Variants in CAPN5 observed in about 807,000 individuals in gnomAD.
CAPN5 encodes calpain 5.
CAPN5 carries 54 observed loss-of-function variants against 73.0 expected under a neutral mutation model. The observed-to-expected ratio is 0.74, with a 90% CI of 0.59 to 0.93. The LOEUF is 0.93. Ranked by LOEUF, CAPN5 falls within the 40% of genes least tolerant of loss-of-function variation. CAPN5 has a pLI of 0.00. For synonymous variants in CAPN5, 335 were observed against 356.9 expected (o/e 0.94, Z 0.69); for missense variants, 785 against 882.9 (o/e 0.89, Z 1.41).
intron 2 of CAPN5, among the ~76,000 whole-genome samples, chr11:77,090,829 A>T (rs1430875686): frequency 6.6e-6 from 1 of 152,052 alleles, no homozygotes; most frequent in East Asian, 1.9e-4. Context: ...GGGTCAGAGG[A>T]TGGGCTGGAT....
intron 7 of CAPN5, among the ~76,000 whole-genome samples, chr11:77,117,754 G>T (rs782288386): frequency 1.3e-5 from 2 of 152,320 alleles, no homozygotes; most frequent in Non-Finnish European, 2.9e-5. Flanking sequence ...AGCCATGGAA[G>T]ATCCTGGATG....
Position 77,096,044 on chromosome 11 carries a change from CCGTCCCT to C in CAPN5, c.297+2239_297+2245del, listed in dbSNP as rs374793764. ...CCTGCGGAGCTCATTACTGCGCCTT[CCGTCCCT>C]CGTCCCTGTTGACTGGGCTCTGTTT... On this transcript the variant is annotated intron_variant, in intron 3 of 12. Coordinates refer to ENST00000648180, the MANE Select transcript of CAPN5 (RefSeq NM_004055.5). Among the ~76,000 whole-genome samples, 404 of 152,298 alleles carry C rather than the reference CCGTCCCT, an allele frequency of 2.7e-3. 3 individuals carry two copies. The highest frequency in any genetic ancestry group is 8.6e-3 in the African/African-American group (356 of 41,556).
At chr11:77,118,836 T>C (rs1229021101) in intron 8 of CAPN5, among the ~76,000 whole-genome samples, 194 bp from the exon 9 acceptor site, 6 of 152,288 alleles carry the variant, frequency 3.9e-5, no homozygotes, top group African/African-American at 1.4e-4. Flanking sequence ...CACCCTGGCA[T>C]TGAGTTTCCC....
rs781917595 is a variant in CAPN5 at position 77,093,637 on chromosome 11, G to A, written c.166-45G>A. On this transcript the variant is annotated intron_variant, in intron 2 of 12. Coordinates refer to ENST00000648180, the MANE Select transcript of CAPN5 (RefSeq NM_004055.5). ...ATGTCTCCTGCCATGGGGGGCATCC[G>A]CATGCTCCTCCGCCCCTCACGCTCT... The A allele has an allele frequency of 2.8e-5, 42 of 1,525,478 alleles. No homozygotes were observed. The East Asian group carries it at 4.7e-4, about 17-fold the overall frequency. The allele number at this position is 1,525,478 out of a possible 1,614,324, so 94.5% of individuals were successfully genotyped here. A position where few individuals can be genotyped will look rare whatever the true frequency, so the allele number is the denominator to read the frequency against.
At chr11:77,086,180 G>A (rs1422393150) in intron 2 of CAPN5, among the ~76,000 whole-genome samples, 3 of 152,326 alleles carry the variant, frequency 2.0e-5, no homozygotes, top group African/African-American at 7.2e-5. Context: ...AAGGCTTTCA[G>A]CAGCCTGTAA....
rs1278715349 is a variant in CAPN5 at position 77,121,955 on chromosome 11, C to T, written c.1509C>T (p.Pro503=). 3 of 1,555,408 alleles carry T rather than the reference C, an allele frequency of 1.9e-6. No homozygotes were observed. Among genetic ancestry groups the T allele is most frequent in the Non-Finnish European group, 2.6e-6 (3 of 1,149,258 alleles). The part of the protein sequence containing the change: ...SNCRELRLDE[P]PHTCWSSLCG... ...TCAGGGAGCTGCGCCTGGATGAGCC[C>T]CCACACACCTGCTGGAGCTCCCTCT... is the stretch of plus-strand genomic sequence containing the variant. Residue 503 remains proline, a synonymous_variant, in exon 11 of 13, where the codon CCC becomes CCT. Coordinates refer to ENST00000648180, the MANE Select transcript of CAPN5 (RefSeq NM_004055.5).
At chr11:77,110,468 G>A (rs1306710689) in intron 3 of CAPN5, among the ~76,000 whole-genome samples, 3 of 152,184 alleles carry the variant, frequency 2.0e-5, no homozygotes, top group Non-Finnish European at 4.4e-5. Context: ...GGGGTGAGGA[G>A]GTGGGGGAAA....
At chr11:77,070,148 C>T (rs1483798304) in intron 1 of CAPN5, among the ~76,000 whole-genome samples, 1 of 152,174 alleles carries the variant, frequency 6.6e-6, no homozygotes, top group African/African-American at 2.4e-5. Flanking sequence ...TTCCAGGGAC[C>T]CAAGTTTTCC....
chr11:77,087,994 G>T (rs1555035842), intron 2 of CAPN5: 3 of 1,535,644 alleles, frequency 2.0e-6, no homozygotes, highest in Non-Finnish European at 2.6e-6. Context: ...GATGCACGGA[G>T]AATGGAGAAT....
rs190932122 is a variant in CAPN5, at chr11:77,118,913, G to A, written c.1168-117G>A. ...CACCTCACAGCAGAGGGACCAAGGC[G>A]CAGAGAGGTGCTGTGACTGGTCCAG... On this transcript the variant is annotated intron_variant, in intron 8 of 12. Transcript: ENST00000648180. 1.8e-4 allele frequency: 199 copies of A among 1,125,246 alleles called. No homozygotes were observed. The East Asian group carries it at 1.8e-3, about 10-fold the overall frequency. 69.7% of individuals were successfully genotyped at this position (1,125,246 alleles called of 1,614,324 possible). A position where few individuals can be genotyped will look rare whatever the true frequency, so the allele number is the denominator to read the frequency against.
intron 2 of CAPN5, among the ~76,000 whole-genome samples, chr11:77,089,387 G>C (rs1950125753): frequency 6.6e-6 from 1 of 152,224 alleles, no homozygotes; most frequent in Non-Finnish European, 1.5e-5. Context: ...CTGCTCACAT[G>C]GGGGGTCAGG....
At chr11:77,070,902 C>T (rs1555032941) in intron 1 of CAPN5, among the ~76,000 whole-genome samples, 2 of 152,192 alleles carry the variant, frequency 1.3e-5, no homozygotes, top group African/African-American at 4.8e-5. Context: ...GGCAGATCCT[C>T]TCCACCTCCC....
At chr11:77,113,053 A>G in intron 4 of CAPN5, 1 of 575,298 alleles carries the variant, frequency 1.7e-6, no homozygotes, top group African/African-American at 1.9e-5. Flanking sequence ...AGGCCCAGGC[A>G]ACATCCTGTA....
chr11:77,124,155 TA>T lies in CAPN5; in HGVS notation c.*287del. ...ACTCTATCCATTGAGCACATTTTCC[TA>T]AGGCCCTGCTGTCTGCCGAGGAGCG... On this transcript the variant is annotated 3_prime_UTR_variant, in exon 13 of 13. Transcript: ENST00000648180. 2.4e-6 allele frequency: 1 copy of T among 419,828 alleles called. No homozygotes were observed. The highest frequency in any genetic ancestry group is 4.3e-6 in the Non-Finnish European group (1 of 233,806). The allele number at this position is 419,828 out of a possible 1,614,324, so 26.0% of individuals were successfully genotyped here.
rs1340853696 is a variant in CAPN5, at chr11:77,125,043, A to G, written c.*1173A>G. 13 of 152,250 alleles carry G rather than the reference A, an allele frequency of 8.5e-5. No homozygotes were observed. Among genetic ancestry groups the G allele is most frequent in the African/African-American group, 3.1e-4 (13 of 41,454 alleles). 9.4% of individuals were successfully genotyped at this position (152,250 alleles called of 1,614,324 possible). ...GTTTTAAAAGAAAATTGAAAGCCTG[A>G]ACCTCCATTTTTCTTCTTGGCTCCA... On this transcript the variant is annotated 3_prime_UTR_variant, in exon 13 of 13. Coordinates refer to ENST00000648180, the MANE Select transcript of CAPN5 (RefSeq NM_004055.5).
intron 1 of CAPN5, among the ~76,000 whole-genome samples, chr11:77,077,173 A>G (rs374418280): frequency 6.6e-6 from 1 of 152,128 alleles, no homozygotes; most frequent in Admixed American, 6.5e-5. Context: ...CCTGGCCAAC[A>G]TGGCGAAACC....
rs1555042090 is a variant in CAPN5 at position 77,118,246 on chromosome 11, G to A, written c.1061G>A (p.Trp354Ter). Residue 354 changes from tryptophan (W) to a stop codon, truncating the protein, a stop_gained, in exon 8 of 13, where the codon TGG becomes TAG. Transcript: ENST00000648180. LOFTEE classifies it high-confidence loss of function. ...TCCCACCTGAGCATCCACAAGACGT[G>A]GGAGGAGGCCCGGCTGCATGGCGCC... ...NTSHLSIHKT[W>*]EEARLHGAWT... 1 of 1,614,158 alleles carries A rather than the reference G, an allele frequency of 6.2e-7. No homozygotes were observed. The highest frequency in any genetic ancestry group is 2.2e-5 in the East Asian group (1 of 44,882).
chr11:77,122,436 G>C, intron 11 of CAPN5, 140 bp from the exon 12 acceptor site: 1 of 718,180 alleles, frequency 1.4e-6, no homozygotes, highest in Non-Finnish European at 2.3e-6. Flanking sequence ...CTCTGGAAAC[G>C]AAGGGGCCCT....
In CAPN5 at chr11:77,118,305, G is replaced by A. The variant is rs782148894; in HGVS notation, c.1120G>A (p.Gly374Ser). 19 of 1,610,094 alleles carry A rather than the reference G, an allele frequency of 1.2e-5. No individual in the cohort carries two copies. Among genetic ancestry groups the A allele is most frequent in the East Asian group, 6.7e-5 (3 of 44,734 alleles). Residue 374 changes from glycine to serine, a missense_variant, in exon 8 of 13, where the codon GGT (glycine) becomes AGT (serine). Gly to Ser is a moderately conservative substitution (Grantham distance 56). Transcript: ENST00000648180. Reference sequence around the variant, plus strand: ...GCATGAGGACCCGCGACAGAACCGCGGTGGCGGCTGCATCAACCACAAGGA... The same window carrying A: ...GCATGAGGACCCGCGACAGAACCGCAGTGGCGGCTGCATCAACCACAAGGA... Reference protein sequence around the residue: ...TLHEDPRQNRGGGCINHKDTF... With the variant: ...TLHEDPRQNRSGGCINHKDTF...
Sources: gnomAD v4.1 joint callset for allele counts (sites outside exome capture counted in the v4.1 genomes callset) on GRCh38, gnomAD v4.1.1 for gene constraint, MANE v1.5 for transcripts, NCBI Gene and HGNC (gene_info 2026-07-23, HGNC 2026-07-21) for gene names.